Variants in AVL9 observed in about 807,000 individuals in gnomAD.
AVL9 encodes the protein AVL9 cell migration associated, also known as late secretory pathway protein AVL9 homolog.
Under a neutral mutation model 79.2 loss-of-function variants are expected in AVL9, and 49 were observed. The observed-to-expected ratio is 0.62, with a 90% CI of 0.49 to 0.79. The LOEUF (loss-of-function observed/expected upper bound fraction) is 0.79. Among genes scored for constraint, AVL9 ranks in the 30% least tolerant of loss-of-function variants. AVL9 has a pLI of 0.00. For synonymous variants in AVL9, 299 were observed against 280.6 expected (o/e 1.07, Z -0.65); for missense variants, 682 against 776.8 (o/e 0.88, Z 1.45).
chr7:32,547,662 A>G (rs866534496), intron 3 of AVL9, among the ~76,000 whole-genome samples: 54 of 152,172 alleles, frequency 3.5e-4, no homozygotes, highest in African/African-American at 1.3e-3. Flanking sequence ...GTCCTTCTCA[A>G]TAGATAATAG....
In AVL9 at chr7:32,577,491, C is replaced by A. The variant is rs62467620; in HGVS notation, c.1688+1419C>A. ...CTGACAACAAAGTCTCTATTCTCAG[C>A]GTGCTGAAGGGAAACAGATGTGGAG... On this transcript the variant is annotated intron_variant, in intron 13 of 15. Transcript: ENST00000318709. Among the ~76,000 whole-genome samples, 151 of 152,286 alleles carry A rather than the reference C, an allele frequency of 9.9e-4. 1 individual carries two copies. Among genetic ancestry groups the A allele is most frequent in the Middle Eastern group, 3.4e-3 (1 of 294 alleles).
Position 32,552,254 on chromosome 7 carries a change from C to A in AVL9, c.488C>A (p.Ser163Tyr). The A allele has an allele frequency of 6.2e-7, 1 of 1,602,596 alleles. No individual in the cohort carries two copies. The highest frequency in any genetic ancestry group is 1.1e-5 in the South Asian group (1 of 90,582). The change falls in exon 6 of 16, where the codon TCC becomes TAC. Residue 163 changes from serine to tyrosine, a missense_variant. Ser to Tyr is a moderately radical substitution (Grantham distance 144). Coordinates refer to ENST00000318709, the MANE Select transcript of AVL9 (RefSeq NM_015060.3). ...LKELYEHMNSSLGGASLEGSQ... is the reference protein window; with the variant it reads ...LKELYEHMNSYLGGASLEGSQ... ...GAGCTTTATGAACATATGAATAGTT[C>A]CTTGGGAGGTGCTTCATTAGAAGGA...
intron 12 of AVL9, 116 bp downstream of exon 12, chr7:32,573,534 G>A: frequency 1.1e-6 from 1 of 926,862 alleles, no homozygotes. Context: ...AAAATTACCA[G>A]TTATTCCCTC....
intron 13 of AVL9, among the ~76,000 whole-genome samples, chr7:32,577,967 G>A (rs141304979): frequency 6.6e-6 from 1 of 152,166 alleles, no homozygotes; most frequent in African/African-American, 2.4e-5. Context: ...ATTTGTTAAT[G>A]TGCATGAGGG....
rs1370340147 is a variant in AVL9 at position 32,579,512 on chromosome 7, T to A, written c.1689-707T>A. 4.2e-3 allele frequency among the ~76,000 whole-genome samples: 17 copies of A among 4,018 alleles called. 3 individuals carry two copies. Among genetic ancestry groups the A allele is most frequent in the Middle Eastern group, 0.1 (1 of 10 alleles). The allele number at this position is 4,018 out of a possible 152,430, so 2.6% of individuals were successfully genotyped here. ...TATATTACATATTATATATTATATA[T>A]TATATTATATATTATATATTATATT... is the stretch of plus-strand genomic sequence containing the variant. On this transcript the variant is annotated intron_variant, in intron 13 of 15. Transcript: ENST00000318709.
At chr7:32,579,042 CAAG>C (rs574717647) in intron 13 of AVL9, among the ~76,000 whole-genome samples, 158 of 151,350 alleles carry the variant, frequency 1.0e-3, no homozygotes, top group African/African-American at 3.4e-3. Flanking sequence ...TTCAGGAATC[CAAG>C]AAGAAGAAGT....
At chr7:32,560,127 T>C (rs1455375389) in intron 10 of AVL9, among the ~76,000 whole-genome samples, 2 of 151,976 alleles carry the variant, frequency 1.3e-5, no homozygotes. Context: ...ATTAGGAGGC[T>C]TGGTTGAGCC....
intron 1 of AVL9, among the ~76,000 whole-genome samples, chr7:32,509,220 G>A (rs565067376): frequency 6.6e-6 from 1 of 152,202 alleles, no homozygotes; most frequent in South Asian, 2.1e-4. Context: ...TCTTTTTGCA[G>A]GAGACTTTCC....
intron 1 of AVL9, among the ~76,000 whole-genome samples, chr7:32,511,337 A>G (rs1164487150): frequency 3.3e-3 from 359 of 109,928 alleles, no homozygotes; most frequent in Middle Eastern, 8.1e-3. Flanking sequence ...GCTTGTGGGA[A>G]TCCACAGTCC....
intron 1 of AVL9, among the ~76,000 whole-genome samples, chr7:32,529,675 A>T (rs1788560256): frequency 6.6e-6 from 1 of 152,230 alleles, no homozygotes; most frequent in South Asian, 2.1e-4. Flanking sequence ...ATGCATTTGA[A>T]CACTTCATCT....
intron 1 of AVL9, among the ~76,000 whole-genome samples, chr7:32,520,979 A>T (rs1201011547): frequency 6.6e-6 from 1 of 152,078 alleles, no homozygotes; most frequent in Non-Finnish European, 1.5e-5. Context: ...TGATGGGTTT[A>T]TCAAGGGTTT....
chr7:32,544,691 T>C lies in AVL9; in HGVS notation c.215-3T>C, dbSNP rs764149520. The C allele has an allele frequency of 1.9e-6, 3 of 1,607,208 alleles. No homozygotes were observed. The highest frequency in any genetic ancestry group is 1.1e-5 in the South Asian group (1 of 90,826). The stretch of plus-strand genomic sequence containing the variant: ...TATTTACATTTTTCTATGTATCTCT[T>C]AGATACTGTGTTTTTTCACTTGCCA... On this transcript the variant is annotated splice_region_variant and splice_polypyrimidine_tract_variant and intron_variant, in intron 2 of 15. Coordinates refer to ENST00000318709, the MANE Select transcript of AVL9 (RefSeq NM_015060.3).
intron 1 of AVL9, 120 bp from the exon 2 acceptor site, chr7:32,543,021 A>G: frequency 1.6e-6 from 2 of 1,278,240 alleles, no homozygotes; most frequent in Non-Finnish European, 2.2e-6. Context: ...ATCAAATGAC[A>G]TTATACAGTG....
intron 1 of AVL9, among the ~76,000 whole-genome samples, chr7:32,529,825 C>T (rs998049533): frequency 6.6e-6 from 1 of 152,122 alleles, no homozygotes; most frequent in Non-Finnish European, 1.5e-5. Context: ...AATTCCAGTG[C>T]TTTAGAAGAT....
chr7:32,580,268 T>G lies in AVL9; in HGVS notation c.1738T>G (p.Ser580Ala). 1.2e-6 allele frequency: 2 copies of G among 1,610,140 alleles called. No individual in the cohort carries two copies. The highest frequency in any genetic ancestry group is 1.7e-6 in the Non-Finnish European group (2 of 1,177,746). ...YSVSDMKLRF[S>A]HSVQNSERGK... ...AGTATCAGACATGAAGTTAAGGTTC[T>G]CACAGTAAGTACTTAGAGAAAATAC... The change falls in exon 14 of 16, where the codon TCA becomes GCA. Residue 580 changes from serine (S) to alanine (A), a missense_variant. By Grantham distance (99) the Ser-to-Ala change is moderately conservative. Coordinates refer to ENST00000318709, the MANE Select transcript of AVL9 (RefSeq NM_015060.3).
At chr7:32,507,153 G>A (rs1787447189) in intron 1 of AVL9, among the ~76,000 whole-genome samples, 1 of 152,098 alleles carries the variant, frequency 6.6e-6, no homozygotes, top group African/African-American at 2.4e-5. Context: ...GAAAGCTCCT[G>A]GGGTTTTTAT....
At chr7:32,547,652 G>A (rs1789583649) in intron 3 of AVL9, among the ~76,000 whole-genome samples, 1 of 152,152 alleles carries the variant, frequency 6.6e-6, no homozygotes, top group Non-Finnish European at 1.5e-5. Flanking sequence ...AGTGATTGCT[G>A]TCCTTCTCAA....
chr7:32,566,320 G>A (rs35241798), intron 10 of AVL9, among the ~76,000 whole-genome samples: 104,391 of 146,854 alleles, frequency 0.71, 37,614 homozygotes, highest in South Asian at 0.85. Context: ...GGGACTACAG[G>A]CACCTGCCAC....
At chr7:32,503,407 A>ACACACACACACACACAC (rs1477431265) in intron 1 of AVL9, among the ~76,000 whole-genome samples, 186 of 60,266 alleles carry the variant, frequency 3.1e-3, no homozygotes, top group Admixed American at 0.011. Flanking sequence ...CACACACACA[A>ACACACACACACACACAC]ATTAGCCGGG....
Sources: gnomAD v4.1 joint callset for allele counts (sites outside exome capture counted in the v4.1 genomes callset) on GRCh38, gnomAD v4.1.1 for gene constraint, MANE v1.5 for transcripts, NCBI Gene and HGNC (gene_info 2026-07-23, HGNC 2026-07-21) for gene names.